The following SPECC1L variants were observed in gnomAD, a reference collection of about 807,000 sequenced individuals.
SPECC1L encodes the protein sperm antigen with calponin homology and coiled-coil domains 1 like.
A neutral mutation model predicts 116.8 loss-of-function variants in SPECC1L; 40 were observed. The ratio of observed to expected loss-of-function variants is 0.34; its 90% CI spans 0.27 to 0.45. The LOEUF (loss-of-function observed/expected upper bound fraction) is 0.45, where lower values mean the gene tolerates loss of function less well. SPECC1L is among the 20% of genes least tolerant of loss of function. The probability of loss-of-function intolerance (pLI) is 1.00; values close to 1 mark genes in which losing one functional copy is unlikely to be tolerated. For missense variants in SPECC1L, 1,110 were observed against 1,373.6 expected, an observed-to-expected ratio of 0.81 and a Z score of 3.03; for synonymous variants, 504 against 500.6, an observed-to-expected ratio of 1.01 and a Z score of -0.09.
At chr22:24,283,542 T>C (rs951878990) in intron 2 of SPECC1L, among the ~76,000 whole-genome samples, 10 of 152,260 alleles carry the variant, frequency 6.6e-5, no homozygotes, top group African/African-American at 2.4e-4. Flanking sequence ...TCTGTAGGTT[T>C]CTTTTTTTGT....
At chr22:24,316,272 C>CTTTT (rs1556209111) in intron 4 of SPECC1L, among the ~76,000 whole-genome samples, 1 of 126,924 alleles carries the variant, frequency 7.9e-6, no homozygotes, top group South Asian at 2.4e-4. Context: ...AACAGATTTT[C>CTTTT]TTTTTATTTA....
chr22:24,367,273 C>A (rs1025049359), intron 13 of SPECC1L, among the ~76,000 whole-genome samples: 3 of 152,204 alleles, frequency 2.0e-5, no homozygotes, highest in Non-Finnish European at 4.4e-5. Flanking sequence ...CATCCATTCA[C>A]ATAACTGTGT....
intron 14 of SPECC1L, among the ~76,000 whole-genome samples, chr22:24,389,397 G>A (rs772189192): frequency 2.0e-5 from 3 of 152,060 alleles, no homozygotes; most frequent in Non-Finnish European, 4.4e-5. Context: ...ACAGATGTGA[G>A]CCACTGTGTC....
intron 14 of SPECC1L, among the ~76,000 whole-genome samples, chr22:24,407,485 C>T (rs866805503): frequency 1.2e-4 from 19 of 152,266 alleles, no homozygotes; most frequent in African/African-American, 4.6e-4. Context: ...AGTGGTGAGG[C>T]CAGGCACGTC....
At chr22:24,357,928 A>G (rs967025591) in intron 11 of SPECC1L, among the ~76,000 whole-genome samples, 1 of 152,122 alleles carries the variant, frequency 6.6e-6, no homozygotes, top group African/African-American at 2.4e-5. Context: ...CCTTTATAAT[A>G]CTGGTCACAT....
chr22:24,375,488 A>G (rs1452463558), intron 14 of SPECC1L, among the ~76,000 whole-genome samples: 1 of 152,246 alleles, frequency 6.6e-6, no homozygotes, highest in East Asian at 1.9e-4. Context: ...TTGGTTCAAC[A>G]TATGAAAATG....
intron 11 of SPECC1L, among the ~76,000 whole-genome samples, chr22:24,351,602 C>G (rs891262394): frequency 4.6e-5 from 7 of 152,142 alleles, no homozygotes; most frequent in Non-Finnish European, 8.8e-5. Flanking sequence ...AAAGGAAACA[C>G]ACTTAGATGA....
chr22:24,273,954 T>C (rs1013870119), intron 1 of SPECC1L, among the ~76,000 whole-genome samples: 1 of 152,178 alleles, frequency 6.6e-6, no homozygotes, highest in African/African-American at 2.4e-5. Context: ...GACAGGGTTT[T>C]TCCATGTTGG....
chr22:24,307,242 G>A (rs2049518208), intron 3 of SPECC1L, among the ~76,000 whole-genome samples: 1 of 152,190 alleles, frequency 6.6e-6, no homozygotes, highest in Non-Finnish European at 1.5e-5. Context: ...GTTTCTCGCT[G>A]CTAGCAGCTA....
chr22:24,414,850 C>G lies in SPECC1L; in HGVS notation c.*227C>G, dbSNP rs2042772897. The G allele has an allele frequency of 8.8e-6, 5 of 570,112 alleles. No homozygotes were observed. The African/African-American group carries it at 9.4e-5, about 11-fold the overall frequency. The allele number at this position is 570,112 out of a possible 1,614,324, so 35.3% of individuals were successfully genotyped here. ...GACCCGTCCATTCAGGTCATGTGGG[C>G]TCAGCACACATCCTGCAGGCCGGTG... On this transcript the variant is annotated 3_prime_UTR_variant, in exon 17 of 17. Transcript: ENST00000314328.
In SPECC1L at chr22:24,416,770, C is replaced by T. The variant is rs1419109370; in HGVS notation, c.*2147C>T. The T allele has an allele frequency of 6.6e-6, 1 of 152,318 alleles. No homozygotes were observed. The highest frequency in any genetic ancestry group is 1.5e-5 in the Non-Finnish European group (1 of 68,166). 9.4% of individuals were successfully genotyped at this position (152,318 alleles called of 1,614,324 possible). Reference sequence around the variant, plus strand: ...CCAGGATCTTCTGGAGGAAGGTGGCCATGGATGGATGGGCTGTATCTGTGT... The same window carrying T: ...CCAGGATCTTCTGGAGGAAGGTGGCTATGGATGGATGGGCTGTATCTGTGT... On this transcript the variant is annotated 3_prime_UTR_variant, in exon 17 of 17. Coordinates refer to ENST00000314328, the MANE Select transcript of SPECC1L (RefSeq NM_015330.6).
At chr22:24,353,836 A>T (rs1295986420) in intron 11 of SPECC1L, among the ~76,000 whole-genome samples, 1 of 152,230 alleles carries the variant, frequency 6.6e-6, no homozygotes. Flanking sequence ...TCACTTGGTT[A>T]GGTGATTGGC....
At chr22:24,293,535 A>G (rs1353881561) in intron 2 of SPECC1L, among the ~76,000 whole-genome samples, 1 of 152,140 alleles carries the variant, frequency 6.6e-6, no homozygotes, top group African/African-American at 2.4e-5. Context: ...ATATTAGATA[A>G]CCATGAACTT....
At chr22:24,413,382 T>C (rs1189297840) in intron 16 of SPECC1L, among the ~76,000 whole-genome samples, 3 of 152,092 alleles carry the variant, frequency 2.0e-5, no homozygotes, top group Non-Finnish European at 2.9e-5. Flanking sequence ...TGCCGCAGCC[T>C]CACATGGGAC....
chr22:24,387,812 T>TA (rs1210724350), intron 14 of SPECC1L, among the ~76,000 whole-genome samples: 13 of 152,350 alleles, frequency 8.5e-5, no homozygotes, highest in African/African-American at 3.1e-4. Context: ...ACATGGCTCT[T>TA]ACTGGACTAA....
chr22:24,372,013 G>A (rs564477580), intron 14 of SPECC1L, among the ~76,000 whole-genome samples: 48 of 152,182 alleles, frequency 3.2e-4, no homozygotes, highest in Non-Finnish European at 6.0e-4. Flanking sequence ...GAGCCACCGC[G>A]CCCGGTCTCA....
chr22:24,397,228 G>C (rs2042385966), intron 14 of SPECC1L, among the ~76,000 whole-genome samples: 1 of 152,148 alleles, frequency 6.6e-6, no homozygotes, highest in African/African-American at 2.4e-5. Context: ...CCGACAGAGT[G>C]AAAAGAATGC....
rs141724530 is a variant in SPECC1L, at chr22:24,289,072, A to G, written c.-38+12269A>G. Among the ~76,000 whole-genome samples, 1,160 of 152,344 alleles carry G rather than the reference A, an allele frequency of 7.6e-3. 12 individuals are homozygous for G. Among genetic ancestry groups the G allele is most frequent in the African/African-American group, 0.026 (1,088 of 41,578 alleles). ...ATGTTTTGAATTAAAACTATGGCTGACAGTTAATTTTATCGATACCAAATT... is the reference window on the plus strand; with the variant it reads ...ATGTTTTGAATTAAAACTATGGCTGGCAGTTAATTTTATCGATACCAAATT... On this transcript the variant is annotated intron_variant, in intron 2 of 16. Transcript: ENST00000314328.
At chr22:24,285,939 G>A (rs1289311958) in intron 2 of SPECC1L, among the ~76,000 whole-genome samples, 1 of 152,232 alleles carries the variant, frequency 6.6e-6, no homozygotes, top group Non-Finnish European at 1.5e-5. Context: ...CGCGCCTGGC[G>A]CGCTGTTCTT....
Sources: gnomAD v4.1 joint callset for allele counts (sites outside exome capture counted in the v4.1 genomes callset) on GRCh38, gnomAD v4.1.1 for gene constraint, MANE v1.5 for transcripts, NCBI Gene and HGNC (gene_info 2026-07-23, HGNC 2026-07-21) for gene names.